Variants in FIGN observed in about 807,000 individuals in gnomAD.
FIGN encodes the protein fidgetin.
Under a neutral mutation model 51.3 loss-of-function variants are expected in FIGN, and 11 were observed. The observed-to-expected ratio is 0.21, with a 90% CI of 0.13 to 0.35. FIGN has a LOEUF of 0.35. FIGN is among the 10% of genes least tolerant of loss of function. The pLI is 1.00. For synonymous variants in FIGN, 407 were observed against 363.2 expected, an observed-to-expected ratio of 1.12 and a Z score of -1.37; for missense variants, 857 against 943.6, an observed-to-expected ratio of 0.91 and a Z score of 1.20.
chr2:163,719,274 T>C (rs116278394), intron 2 of FIGN, among the ~76,000 whole-genome samples: 2,111 of 152,292 alleles, frequency 0.014, 46 homozygotes, highest in African/African-American at 0.048. Flanking sequence ...AATTGATTTA[T>C]TTACATCTAC....
intron 2 of FIGN, among the ~76,000 whole-genome samples, chr2:163,648,010 A>T (rs1258141654): frequency 6.6e-6 from 1 of 152,152 alleles, no homozygotes; most frequent in Admixed American, 6.5e-5. Flanking sequence ...AAAGACAGAC[A>T]TACAGACATA....
At chr2:163,731,369 CTA>C (rs1684926337) in intron 2 of FIGN, among the ~76,000 whole-genome samples, 1 of 152,080 alleles carries the variant, frequency 6.6e-6, no homozygotes, top group Non-Finnish European at 1.5e-5. Flanking sequence ...CAGATGGTCT[CTA>C]TAGATTCTTG....
At chr2:163,636,472 A>G (rs1246850150) in intron 2 of FIGN, among the ~76,000 whole-genome samples, 1 of 151,966 alleles carries the variant, frequency 6.6e-6, no homozygotes, top group African/African-American at 2.4e-5. Flanking sequence ...TTTAGTAGAG[A>G]CGGGGTTTCT....
chr2:163,649,133 A>G (rs10188028), intron 2 of FIGN, among the ~76,000 whole-genome samples: 102,156 of 152,032 alleles, frequency 0.67, 34,841 homozygotes, highest in Admixed American at 0.75. Flanking sequence ...GCAAATTAAA[A>G]TAGAATTATA....
At chr2:163,638,355 C>A (rs755124086) in intron 2 of FIGN, among the ~76,000 whole-genome samples, 1 of 151,936 alleles carries the variant, frequency 6.6e-6, no homozygotes, top group Non-Finnish European at 1.5e-5. Flanking sequence ...TCTCCAGGGA[C>A]AAGTAAGAGA....
chr2:163,672,266 A>AAT (rs57607896), intron 2 of FIGN, among the ~76,000 whole-genome samples: 1 of 151,672 alleles, frequency 6.6e-6, no homozygotes, highest in Admixed American at 6.6e-5. Flanking sequence ...AAAAAAAAAA[A>AAT]CTACTTCGTT....
At chr2:163,711,698 A>G (rs1273649942) in intron 2 of FIGN, among the ~76,000 whole-genome samples, 1 of 152,150 alleles carries the variant, frequency 6.6e-6, no homozygotes, top group African/African-American at 2.4e-5. Context: ...AAAAAGGATA[A>G]GAATATTAAC....
At position 163,610,460 on chromosome 2, in the gene FIGN, C is replaced by T. The variant is rs766488624; in HGVS notation, c.1372G>A (p.Asp458Asn). 1.2e-6 allele frequency: 2 copies of T among 1,614,130 alleles called. No individual in the cohort carries two copies. Among genetic ancestry groups the T allele is most frequent in the South Asian group, 2.2e-5 (2 of 91,080 alleles). Residue 458 changes from aspartate (D) to asparagine (N), a missense_variant, in exon 3 of 3, where the codon GAC becomes AAC. This residue lies in a region of FIGN where 799 missense variants were observed against 849.5 expected (regional missense o/e 0.94). Coordinates refer to ENST00000333129, the MANE Select transcript of FIGN (RefSeq NM_018086.4). Reference protein sequence around the residue: ...RAATSSNHSVDEQLKNTDTHL... With the variant: ...RAATSSNHSVNEQLKNTDTHL... ...GTGTCAGTATTCTTCAGTTGCTCGT[C>T]CACAGAGTGGTTGGATGAGGTAGCT...
intron 2 of FIGN, among the ~76,000 whole-genome samples, chr2:163,695,438 T>G (rs916448478): frequency 2.0e-5 from 3 of 152,182 alleles, no homozygotes; most frequent in African/African-American, 7.2e-5. Flanking sequence ...CTCGGCATCA[T>G]GCCTCTGCTC....
intron 2 of FIGN, among the ~76,000 whole-genome samples, chr2:163,618,776 A>G (rs1682920061): frequency 6.6e-6 from 1 of 152,150 alleles, no homozygotes; most frequent in Non-Finnish European, 1.5e-5. Flanking sequence ...TGACAATGTC[A>G]GGTATTTTCA....
intron 2 of FIGN, among the ~76,000 whole-genome samples, chr2:163,654,444 C>T (rs1490872647): frequency 2.6e-5 from 4 of 152,088 alleles, no homozygotes; most frequent in African/African-American, 4.8e-5. Flanking sequence ...CAGGTTTTCA[C>T]TCATTTTCAA....
chr2:163,682,082 T>C (rs1010174510), intron 2 of FIGN, among the ~76,000 whole-genome samples: 1 of 152,176 alleles, frequency 6.6e-6, no homozygotes, highest in Non-Finnish European at 1.5e-5. Flanking sequence ...ACAAAAATTC[T>C]GGCAGACACC....
At chr2:163,702,224 T>A (rs2105351280) in intron 2 of FIGN, among the ~76,000 whole-genome samples, 2 of 152,302 alleles carry the variant, frequency 1.3e-5, no homozygotes, top group East Asian at 3.9e-4. Context: ...TTTGCATTTT[T>A]AATTTTGTAC....
chr2:163,653,216 A>G (rs1683505967), intron 2 of FIGN, among the ~76,000 whole-genome samples: 1 of 152,098 alleles, frequency 6.6e-6, no homozygotes, highest in Non-Finnish European at 1.5e-5. Context: ...ATAGGGACTC[A>G]ATAAATATCA....
chr2:163,710,210 T>C (rs1251714737), intron 2 of FIGN, among the ~76,000 whole-genome samples: 1 of 152,186 alleles, frequency 6.6e-6, no homozygotes, highest in Non-Finnish European at 1.5e-5. Flanking sequence ...ATGAGCTACT[T>C]CCTTTATTTA....
intron 2 of FIGN, among the ~76,000 whole-genome samples, chr2:163,619,946 T>C (rs1304529398): frequency 6.6e-6 from 1 of 152,126 alleles, no homozygotes; most frequent in East Asian, 1.9e-4. Flanking sequence ...AATGTTTCTG[T>C]GTAAAATTTT....
intron 2 of FIGN, among the ~76,000 whole-genome samples, chr2:163,728,397 AACACACACACACACAC>A (rs60526284): frequency 3.6e-4 from 51 of 141,930 alleles, no homozygotes; most frequent in African/African-American, 6.0e-4. Context: ...CAAACCATTA[AACACACACACACACAC>A]ACACACACAC....
At chr2:163,667,007 C>T (rs938867943) in intron 2 of FIGN, among the ~76,000 whole-genome samples, 1 of 151,462 alleles carries the variant, frequency 6.6e-6, no homozygotes, top group African/African-American at 2.4e-5. Context: ...CAATGTATAC[C>T]GTATTTATCA....
intron 2 of FIGN, among the ~76,000 whole-genome samples, chr2:163,730,486 CT>C (rs1309016950): frequency 3.4e-5 from 5 of 148,930 alleles, no homozygotes; most frequent in Admixed American, 3.3e-4. Context: ...GGTACAATCT[CT>C]CTCTCTTGCT....
Sources: allele counts gnomAD v4.1 joint callset (sites outside exome capture counted in the v4.1 genomes callset), GRCh38; gene constraint gnomAD v4.1.1; regional missense constraint gnomAD v4.1.1; transcripts MANE v1.5; gene names NCBI Gene and HGNC (gene_info 2026-07-23, HGNC 2026-07-21).